MSANTD3: variants seen among roughly 807,000 people sequenced by gnomAD.
MSANTD3 encodes the protein Myb/SANT DNA binding domain containing 3.
Under a neutral mutation model 27.7 loss-of-function variants are expected in MSANTD3, and 11 were observed. The observed-to-expected ratio is 0.40, with a 90% CI of 0.25 to 0.66. The LOEUF is 0.66. MSANTD3 is among the 30% of genes least tolerant of loss of function. MSANTD3 has a pLI of 0.41. For missense variants in MSANTD3, 250 were observed against 336.5 expected (o/e 0.74, Z 2.01); for synonymous variants, 131 against 127.2 (o/e 1.03, Z -0.20).
In MSANTD3 at chr9:100,437,351, G is replaced by A. The variant is rs189790139; in HGVS notation, c.-33-4555G>A. On this transcript the variant is annotated intron_variant, in intron 1 of 2. Coordinates refer to ENST00000395067, the MANE Select transcript of MSANTD3 (RefSeq NM_080655.3). ...CCATACTTTGAGGAGGGGAATAGAG[G>A]CTATCACTAGGTCTGAAACAAGAGA... 1.5e-3 allele frequency among the ~76,000 whole-genome samples: 222 copies of A among 152,278 alleles called. 4 individuals are homozygous for A. Among genetic ancestry groups the A allele is most frequent in the Admixed American group, 0.014 (220 of 15,290 alleles).
intron 1 of MSANTD3, among the ~76,000 whole-genome samples, chr9:100,437,924 G>A (rs1397969941): frequency 2.0e-5 from 3 of 152,172 alleles, no homozygotes; most frequent in Non-Finnish European, 4.4e-5. Context: ...TACGCCTACA[G>A]TAAGGGCTCA....
chr9:100,450,060 A>G (rs1187758830), intron 2 of MSANTD3, among the ~76,000 whole-genome samples: 2 of 152,196 alleles, frequency 1.3e-5, no homozygotes, highest in African/African-American at 4.8e-5. Context: ...ATGGCTCTCC[A>G]GGGTAAGGGC....
chr9:100,432,972 A>C (rs1428494349), intron 1 of MSANTD3, among the ~76,000 whole-genome samples: 1 of 152,258 alleles, frequency 6.6e-6, no homozygotes, highest in South Asian at 2.1e-4. Flanking sequence ...CGAGGAATTG[A>C]CAGCAAGTAA....
At chr9:100,449,283 T>G in intron 2 of MSANTD3, 1 of 980,716 alleles carries the variant, frequency 1.0e-6, no homozygotes, top group Non-Finnish European at 1.2e-6. Flanking sequence ...CGTGGTATCC[T>G]TTTGCATCCA....
intron 2 of MSANTD3, among the ~76,000 whole-genome samples, chr9:100,449,907 A>G (rs370426512): frequency 1.6e-4 from 24 of 152,290 alleles, no homozygotes; most frequent in East Asian, 5.8e-4. Flanking sequence ...AATTTCAAGG[A>G]TAGTCAAGTA....
At chr9:100,441,885 G>A in intron 1 of MSANTD3, 21 bp from the exon 2 acceptor site, 1 of 1,534,248 alleles carries the variant, frequency 6.5e-7, no homozygotes, top group Non-Finnish European at 8.7e-7. Context: ...GGTAATCATT[G>A]CTTCAAACTT....
intron 1 of MSANTD3, among the ~76,000 whole-genome samples, chr9:100,430,519 G>T (rs1221437218): frequency 1.3e-5 from 2 of 152,106 alleles, no homozygotes; most frequent in Admixed American, 1.3e-4. Flanking sequence ...GAAGAGTTGG[G>T]ACTTTTATCG....
At chr9:100,432,229 G>A (rs1315822513) in intron 1 of MSANTD3, among the ~76,000 whole-genome samples, 1 of 152,152 alleles carries the variant, frequency 6.6e-6, no homozygotes, top group African/African-American at 2.4e-5. Context: ...AGCAAGTTCG[G>A]TGCTAGGCTT....
intron 2 of MSANTD3, chr9:100,448,974 A>G: frequency 1.0e-6 from 1 of 985,330 alleles, no homozygotes; most frequent in Non-Finnish European, 1.2e-6. Flanking sequence ...CCTTTTATTA[A>G]CAGGGTATTA....
intron 1 of MSANTD3, among the ~76,000 whole-genome samples, chr9:100,435,135 G>A (rs545907340): frequency 6.6e-6 from 1 of 152,306 alleles, no homozygotes; most frequent in East Asian, 1.9e-4. Context: ...ATGAGGCAGG[G>A]CCGGGATAGC....
chr9:100,431,271 G>C lies in MSANTD3; in HGVS notation c.-34+3878G>C, dbSNP rs185635957. Among the ~76,000 whole-genome samples, 13 of 151,182 alleles carry C rather than the reference G, an allele frequency of 8.6e-5. No individual in the cohort carries two copies. In the East Asian group the frequency reaches 2.3e-3, roughly 27 times the overall value. On this transcript the variant is annotated intron_variant, in intron 1 of 2. Coordinates refer to ENST00000395067, the MANE Select transcript of MSANTD3 (RefSeq NM_080655.3). ...CCCACCTCGGCCTCCCAAAGTGCTG[G>C]GATTACAGGCGTGAGCCACCATGCC...
chr9:100,450,574 A>C lies in MSANTD3; in HGVS notation c.436A>C (p.Asn146His), dbSNP rs1836861754. 2.6e-6 allele frequency: 4 copies of C among 1,549,238 alleles called. No homozygotes were observed. The highest frequency in any genetic ancestry group is 3.5e-6 in the Non-Finnish European group (4 of 1,152,966). The change falls in exon 3 of 3, where the codon AAT (asparagine) becomes CAT (histidine). Residue 146 changes from asparagine to histidine, a missense_variant. By Grantham distance (68) the Asn-to-His change is moderately conservative. Transcript: ENST00000395067. ...ASAQESFAVS[N>H]RELCDDEKEF... ...TTTTTCAGAATCATTTGCTGTTTCA[A>C]ATAGAGAACTGTGCGATGATGAGAA... is the stretch of plus-strand genomic sequence containing the variant.
At position 100,450,884 on chromosome 9, in the gene MSANTD3, T is replaced by C. The variant is rs768613768; in HGVS notation, c.746T>C (p.Met249Thr). The change falls in exon 3 of 3, where the codon ATG (methionine) becomes ACG (threonine). Residue 249 changes from methionine to threonine, a missense_variant. By Grantham distance (81) the Met-to-Thr change is moderately conservative (BLOSUM62 -1). Transcript: ENST00000395067. The stretch of plus-strand genomic sequence containing the variant: ...ATGGAAGTTCTCAATAAAAAGAAGA[T>C]GTATTGGGAAAGAAAACTACAAACT... Reference protein sequence around the residue: ...IKMEVLNKKKMYWERKLQTFT... With the variant: ...IKMEVLNKKKTYWERKLQTFT... 1.9e-6 allele frequency: 3 copies of C among 1,613,704 alleles called. No homozygotes were observed. Among genetic ancestry groups the C allele is most frequent in the Non-Finnish European group, 2.5e-6 (3 of 1,179,966 alleles).
At position 100,427,327 on chromosome 9, in the gene MSANTD3, G is replaced by A. The variant is rs1836267428; in HGVS notation, c.-100G>A. ...CCGCCCTGCTTGCGAGAGGAGCCCA[G>A]GCCGCCCGCCCTCGCGCCTCGCCGG... On this transcript the variant is annotated 5_prime_UTR_variant, in exon 1 of 3. Transcript: ENST00000395067. 6.8e-6 allele frequency: 1 copy of A among 146,410 alleles called. No homozygotes were observed. The highest frequency in any genetic ancestry group is 2.5e-5 in the African/African-American group (1 of 40,794). 9.1% of individuals were successfully genotyped at this position (146,410 alleles called of 1,614,324 possible). A position where few individuals can be genotyped will look rare whatever the true frequency, so the allele number is the denominator to read the frequency against.
intron 2 of MSANTD3, chr9:100,444,483 C>G (rs1237660293): frequency 6.6e-6 from 1 of 152,410 alleles, no homozygotes; most frequent in Non-Finnish European, 1.5e-5. Context: ...TACTCTGTTC[C>G]TCTCCATCTT....
At position 100,451,728 on chromosome 9, in the gene MSANTD3, CTT is replaced by C. The variant is rs2118150274; in HGVS notation, c.*763_*764del. The C allele has an allele frequency of 6.6e-6, 1 of 150,404 alleles. No homozygotes were observed. Among genetic ancestry groups the C allele is most frequent in the African/African-American group, 2.4e-5 (1 of 40,874 alleles). 9.3% of individuals were successfully genotyped at this position (150,404 alleles called of 1,614,324 possible). On this transcript the variant is annotated 3_prime_UTR_variant, in exon 3 of 3. Coordinates refer to ENST00000395067, the MANE Select transcript of MSANTD3 (RefSeq NM_080655.3). The stretch of plus-strand genomic sequence containing the variant: ...GGTTTTATTAAAAAAAAAAAAAAGA[CTT>C]GCAATTTTATAGTCACACTGTGTAT...
chr9:100,433,834 C>T (rs930671689), intron 1 of MSANTD3, among the ~76,000 whole-genome samples: 2 of 152,144 alleles, frequency 1.3e-5, no homozygotes, highest in African/African-American at 4.8e-5. Context: ...TCCTTCAGTT[C>T]ACCCACCACT....
At chr9:100,447,332 C>A (rs961853878) in intron 2 of MSANTD3, among the ~76,000 whole-genome samples, 1 of 151,910 alleles carries the variant, frequency 6.6e-6, no homozygotes, top group Admixed American at 6.6e-5. Context: ...TAGTTTAAAG[C>A]CCTGTTTTCT....
rs143329438 is a variant in MSANTD3 at position 100,443,329 on chromosome 9, G to T, written c.418+973G>T. Among the ~76,000 whole-genome samples, 1,018 of 151,952 alleles carry T rather than the reference G, an allele frequency of 6.7e-3. 7 individuals are homozygous for T. Among genetic ancestry groups the T allele is most frequent in the African/African-American group, 0.024 (986 of 41,414 alleles). The stretch of plus-strand genomic sequence containing the variant: ...CAGGAGAATCGCTTGAATTCGGGAG[G>T]CAGAGGTTGTGGTGAGCCAAGATAG... On this transcript the variant is annotated intron_variant, in intron 2 of 2. Transcript: ENST00000395067.
Sources: gnomAD v4.1 joint callset for allele counts (sites outside exome capture counted in the v4.1 genomes callset) on GRCh38, gnomAD v4.1.1 for gene constraint, MANE v1.5 for transcripts, NCBI Gene and HGNC (gene_info 2026-07-23, HGNC 2026-07-21) for gene names.